DPYD: variants seen among roughly 807,000 people sequenced by gnomAD.
DPYD encodes the protein dihydropyrimidine dehydrogenase.
A neutral mutation model predicts 116.2 loss-of-function variants in DPYD; 109 were observed. The observed-to-expected ratio is 0.94, with a 90% CI of 0.80 to 1.10. The LOEUF is 1.10. Among genes scored for constraint, DPYD ranks in the 50% least tolerant of loss-of-function variants. DPYD has a pLI of 0.00. For synonymous variants in DPYD, 440 were observed against 432.0 expected, an observed-to-expected ratio of 1.02 and a Z score of -0.23; for missense variants, 1,302 against 1,254.5, an observed-to-expected ratio of 1.04 and a Z score of -0.57.
intron 18 of DPYD, among the ~76,000 whole-genome samples, chr1:97,273,287 C>G (rs1664721422): frequency 6.6e-6 from 1 of 152,046 alleles, no homozygotes; most frequent in African/African-American, 2.4e-5. Flanking sequence ...ATGGGCCCAA[C>G]AAGGCCAAGG....
intron 8 of DPYD, among the ~76,000 whole-genome samples, chr1:97,614,387 T>C (rs927652991): frequency 3.9e-5 from 6 of 152,202 alleles, no homozygotes; most frequent in Admixed American, 3.9e-4. Context: ...TAATAGATAT[T>C]ATGTGAATGA....
At chr1:97,459,646 T>C (rs1272600720) in intron 13 of DPYD, among the ~76,000 whole-genome samples, 1 of 152,088 alleles carries the variant, frequency 6.6e-6, no homozygotes, top group South Asian at 2.1e-4. Flanking sequence ...TAACTGAGAA[T>C]TGCATACCTT....
At position 97,828,108 on chromosome 1, in the gene DPYD, A is replaced by G. The variant is rs374419243; in HGVS notation, c.233+6T>C. ...TGTGACTGTTGCTATGGTGACCCAG[A>G]CTTACCTCATTGCTTCTCGGAGAGC... On this transcript the variant is annotated splice_donor_region_variant and intron_variant, in intron 3 of 22. Transcript: ENST00000370192. 6.2e-7 allele frequency: 1 copy of G among 1,613,252 alleles called. No individual in the cohort carries two copies. Among genetic ancestry groups the G allele is most frequent in the Non-Finnish European group, 8.5e-7 (1 of 1,179,614 alleles).
chr1:97,385,836 C>T (rs1672313372), intron 14 of DPYD, among the ~76,000 whole-genome samples: 1 of 152,122 alleles, frequency 6.6e-6, no homozygotes, highest in Admixed American at 6.6e-5. Flanking sequence ...GGGACTAACA[C>T]TGTTTCTCTC....
At chr1:97,483,647 TA>T (rs536002354) in intron 13 of DPYD, among the ~76,000 whole-genome samples, 39 of 151,450 alleles carry the variant, frequency 2.6e-4, no homozygotes, top group Non-Finnish European at 4.9e-4. Flanking sequence ...ATTCTGGACC[TA>T]AAAAAAAATT....
chr1:97,558,551 T>G (rs1031741395), intron 11 of DPYD, among the ~76,000 whole-genome samples: 1 of 152,168 alleles, frequency 6.6e-6, no homozygotes, highest in African/African-American at 2.4e-5. Flanking sequence ...TATCTGATTT[T>G]CCTACTGCTA....
chr1:97,586,897 A>G (rs1654164693), intron 10 of DPYD, among the ~76,000 whole-genome samples: 1 of 152,146 alleles, frequency 6.6e-6, no homozygotes, highest in African/African-American at 2.4e-5. Flanking sequence ...TTCAGTATAG[A>G]GCTGTCACTC....
chr1:97,415,618 G>A (rs1392831379), intron 14 of DPYD, among the ~76,000 whole-genome samples: 1 of 152,090 alleles, frequency 6.6e-6, no homozygotes, highest in African/African-American at 2.4e-5. Flanking sequence ...CACCATGCCT[G>A]GCCTTCATTT....
chr1:97,768,161 AAATATCTTGAGCAAGCAGC>A (rs1246495271), intron 3 of DPYD, among the ~76,000 whole-genome samples: 1 of 152,194 alleles, frequency 6.6e-6, no homozygotes, highest in African/African-American at 2.4e-5. Context: ...CCTAATTATG[AAATATCTTGAGCAAGCAGC>A]CCAAATAATT....
chr1:97,751,460 GTATATATATATATA>G lies in DPYD; in HGVS notation c.234-10995_234-10982del, dbSNP rs1553233231. Among the ~76,000 whole-genome samples the G allele has an allele frequency of 1.2e-3, 25 of 21,288 alleles. No individual in the cohort carries two copies. In the South Asian group the frequency reaches 0.013, roughly 11 times the overall value. The allele number at this position is 21,288 out of a possible 152,430, so 14.0% of individuals were successfully genotyped here. ...TGTGTGTGTGTGTGTGTGTGTGTGT[GTATATATATATATA>G]TATATATATATATATATATATGGCA... On this transcript the variant is annotated intron_variant, in intron 3 of 22. Coordinates refer to ENST00000370192, the MANE Select transcript of DPYD (RefSeq NM_000110.4).
chr1:97,119,431 T>A (rs1652247531), intron 20 of DPYD, among the ~76,000 whole-genome samples: 1 of 152,116 alleles, frequency 6.6e-6, no homozygotes, highest in South Asian at 2.1e-4. Context: ...CTGGTGTGTG[T>A]GTGTGGTGGA....
At chr1:97,095,709 A>C (rs1650195613) in intron 21 of DPYD, among the ~76,000 whole-genome samples, 1 of 152,054 alleles carries the variant, frequency 6.6e-6, no homozygotes, top group Admixed American at 6.6e-5. Flanking sequence ...TATATTTATA[A>C]TACAGTTATT....
At chr1:97,689,766 T>C (rs79884288) in intron 7 of DPYD, among the ~76,000 whole-genome samples, 12,183 of 152,118 alleles carry the variant, frequency 0.08, 631 homozygotes, top group Middle Eastern at 0.11. Context: ...TACCCACTTA[T>C]GGCTAAAGTT....
intron 2 of DPYD, chr1:97,856,199 C>T (rs1482398968): frequency 5.3e-5 from 8 of 152,228 alleles, no homozygotes; most frequent in African/African-American, 1.4e-4. Flanking sequence ...AACAGGAAAA[C>T]GCACACAGAA....
intron 19 of DPYD, among the ~76,000 whole-genome samples, chr1:97,226,793 T>C (rs993656160): frequency 6.6e-6 from 1 of 152,132 alleles, no homozygotes; most frequent in Non-Finnish European, 1.5e-5. Flanking sequence ...AAAATATCCA[T>C]ACTATCCAAA....
At chr1:97,222,135 A>C (rs1660818353) in intron 19 of DPYD, among the ~76,000 whole-genome samples, 1 of 152,236 alleles carries the variant, frequency 6.6e-6, no homozygotes, top group African/African-American at 2.4e-5. Flanking sequence ...TAAAAATAGT[A>C]GTTTAAGACT....
At chr1:97,388,729 T>C (rs956108956) in intron 14 of DPYD, among the ~76,000 whole-genome samples, 4 of 152,140 alleles carry the variant, frequency 2.6e-5, no homozygotes, top group African/African-American at 7.2e-5. Flanking sequence ...CTAAAGGTTT[T>C]CTTGGGCTAG....
intron 20 of DPYD, among the ~76,000 whole-genome samples, chr1:97,184,619 T>TAA (rs1358370798): frequency 6.6e-6 from 1 of 152,170 alleles, no homozygotes; most frequent in Non-Finnish European, 1.5e-5. Flanking sequence ...AATTTGTTCC[T>TAA]AAGTATTTTA....
At chr1:97,217,070 T>C (rs956797335) in intron 19 of DPYD, among the ~76,000 whole-genome samples, 3 of 151,684 alleles carry the variant, frequency 2.0e-5, no homozygotes, top group African/African-American at 7.3e-5. Context: ...TAGCTGGACA[T>C]GGTGGTGGGT....
Sources: gnomAD v4.1 joint callset for allele counts (sites outside exome capture counted in the v4.1 genomes callset) on GRCh38, gnomAD v4.1.1 for gene constraint, MANE v1.5 for transcripts, NCBI Gene and HGNC (gene_info 2026-07-23, HGNC 2026-07-21) for gene names.